Variants in CUBN observed in about 807,000 individuals in gnomAD.
The protein encoded by CUBN is 460 kDa receptor.
In CUBN, 282 loss-of-function variants were observed where a neutral mutation model predicts 405.3. The observed-to-expected ratio is 0.70, with a 90% CI of 0.63 to 0.77. The LOEUF is 0.77. CUBN is among the 30% of genes least tolerant of loss of function. The probability of loss-of-function intolerance (pLI) is 0.00; values close to 1 mark genes in which losing one functional copy is unlikely to be tolerated. For synonymous variants in CUBN, 1,684 were observed against 1,617.0 expected (o/e 1.04, Z -0.99); for missense variants, 4,514 against 4,475.2 (o/e 1.01, Z -0.25).
At chr10:16,889,470 T>C (rs1292234498) in intron 55 of CUBN, among the ~76,000 whole-genome samples, 1 of 152,214 alleles carries the variant, frequency 6.6e-6, no homozygotes, top group African/African-American at 2.4e-5. Flanking sequence ...TGAAAAATGC[T>C]ACATTTCCCA....
At chr10:17,014,565 T>G (rs902832293) in intron 28 of CUBN, among the ~76,000 whole-genome samples, 6 of 152,186 alleles carry the variant, frequency 3.9e-5, no homozygotes, top group African/African-American at 1.4e-4. Flanking sequence ...CTGAGGGCCC[T>G]GGTCCCTCTG....
At chr10:17,014,680 C>T (rs533065611) in intron 28 of CUBN, among the ~76,000 whole-genome samples, 11 of 152,280 alleles carry the variant, frequency 7.2e-5, no homozygotes, top group African/African-American at 2.6e-4. Flanking sequence ...GATCTAGAGT[C>T]GCCTGCTGGG....
At position 17,072,791 on chromosome 10, in the gene CUBN, C is replaced by T. The variant is rs149942510; in HGVS notation, c.2302-820G>A. ...ATTGAAAATGACAAAGACACAGATA[C>T]TAAGATTTTTTTAAATGTGAAATCT... On this transcript the variant is annotated intron_variant, in intron 17 of 66. Coordinates refer to ENST00000377833, the MANE Select transcript of CUBN (RefSeq NM_001081.4). Among the ~76,000 whole-genome samples the T allele has an allele frequency of 5.8e-4, 88 of 151,892 alleles. No individual in the cohort carries two copies. In the East Asian group the frequency reaches 0.016, roughly 28 times the overall value.
In CUBN at chr10:16,939,186, G is replaced by T. The variant is rs373170341; in HGVS notation, c.5549-39C>A. 16 of 1,499,716 alleles carry T rather than the reference G, an allele frequency of 1.1e-5. No individual in the cohort carries two copies. In the Middle Eastern group the frequency reaches 6.8e-4, roughly 64 times the overall value. The allele number at this position is 1,499,716 out of a possible 1,614,324, so 92.9% of individuals were successfully genotyped here. A position where few individuals can be genotyped will look rare whatever the true frequency, so the allele number is the denominator to read the frequency against. ...CAGAGTAGTAAATCAGACCCACTTA[G>T]AATTGCTCTTTAATCAAATGAAAAA... On this transcript the variant is annotated intron_variant, in intron 37 of 66. Coordinates refer to ENST00000377833, the MANE Select transcript of CUBN (RefSeq NM_001081.4).
At chr10:16,965,576 T>TA (rs60166274) in intron 31 of CUBN, 2,186 of 138,342 alleles carry the variant, frequency 0.016, 47 homozygotes, top group African/African-American at 0.037. Context: ...TTTTTATTTC[T>TA]AAAAAAAAAA....
chr10:16,834,728 A>C (rs1267615234), intron 64 of CUBN, among the ~76,000 whole-genome samples: 1 of 152,130 alleles, frequency 6.6e-6, no homozygotes, highest in African/African-American at 2.4e-5. Context: ...TAGGAACCCC[A>C]ACCCATGCTG....
intron 28 of CUBN, among the ~76,000 whole-genome samples, chr10:17,002,364 G>A (rs368206876): frequency 2.0e-5 from 3 of 152,150 alleles, no homozygotes; most frequent in Non-Finnish European, 2.9e-5. Context: ...CAGAAGTTTC[G>A]AGAAAGCCCT....
intron 47 of CUBN, among the ~76,000 whole-genome samples, chr10:16,914,658 C>CAA (rs5783521): frequency 3.1e-5 from 4 of 131,108 alleles, no homozygotes; most frequent in African/African-American, 1.2e-4. Flanking sequence ...CCCATGTTCA[C>CAA]AAAAAAAAAA....
intron 10 of CUBN, among the ~76,000 whole-genome samples, chr10:17,106,597 CAAAA>C (rs113317804): frequency 2.7e-5 from 3 of 111,140 alleles, no homozygotes; most frequent in Non-Finnish European, 1.8e-5. Context: ...AACGCCATCT[CAAAA>C]AAAAAAAAAA....
intron 64 of CUBN, among the ~76,000 whole-genome samples, chr10:16,831,978 T>C (rs1839014928): frequency 6.6e-6 from 1 of 152,234 alleles, no homozygotes; most frequent in South Asian, 2.1e-4. Flanking sequence ...GACAGAATTA[T>C]AAATCTATAC....
chr10:16,829,172 T>C (rs550942957), intron 65 of CUBN, 132 bp from the exon 66 acceptor site: 84 of 728,908 alleles, frequency 1.2e-4, no homozygotes, highest in Non-Finnish European at 2.0e-4. Flanking sequence ...GAAATCCCTT[T>C]TCCTTTTCCT....
At chr10:16,841,910 C>CA (rs11354893) in intron 60 of CUBN, among the ~76,000 whole-genome samples, 4,368 of 93,708 alleles carry the variant, frequency 0.047, 246 homozygotes, top group Non-Finnish European at 0.064. Flanking sequence ...AAGACTGTCT[C>CA]AAAAAAAAAA....
At chr10:16,911,860 T>C (rs1841745533) in intron 48 of CUBN, among the ~76,000 whole-genome samples, 1 of 152,204 alleles carries the variant, frequency 6.6e-6, no homozygotes, top group African/African-American at 2.4e-5. Context: ...ATTATATTTA[T>C]AACCAGAAAA....
intron 60 of CUBN, 56 bp downstream of exon 60, chr10:16,851,179 C>A: frequency 7.3e-7 from 1 of 1,376,094 alleles, no homozygotes; most frequent in Non-Finnish European, 1.0e-6. Context: ...AACTGGAATA[C>A]ACTATATTAG....
At chr10:17,105,733 G>C (rs1397283946) in intron 10 of CUBN, among the ~76,000 whole-genome samples, 158 bp from the exon 11 acceptor site, 1 of 152,134 alleles carries the variant, frequency 6.6e-6, no homozygotes, top group Non-Finnish European at 1.5e-5. Context: ...GAAAATATTA[G>C]AATCTTTATT....
intron 28 of CUBN, among the ~76,000 whole-genome samples, chr10:16,992,627 C>T (rs1332059591): frequency 6.6e-6 from 1 of 152,182 alleles, no homozygotes; most frequent in African/African-American, 2.4e-5. Flanking sequence ...CTGAGAAGCA[C>T]TGAGAATTCT....
chr10:16,933,196 G>A lies in CUBN; in HGVS notation c.6015C>T (p.Asp2005=). The change falls in exon 40 of 67, where the codon GAC becomes GAT. Residue 2005 remains aspartate, a synonymous_variant. Coordinates refer to ENST00000377833, the MANE Select transcript of CUBN (RefSeq NM_001081.4). ...CGGGAGCCTGGATGAGCCACGTACAGTCCACTCTATTACTGTAACTGTCAG... is the reference window on the plus strand; with the variant it reads ...CGGGAGCCTGGATGAGCCACGTACAATCCACTCTATTACTGTAACTGTCAG... ...GWPDSYSNRV[D]CTWLIQAPDS... is the part of the protein sequence containing the mutation. 1 of 1,614,086 alleles carries A rather than the reference G, an allele frequency of 6.2e-7. No individual in the cohort carries two copies. Among genetic ancestry groups the A allele is most frequent in the African/African-American group, 1.3e-5 (1 of 75,030 alleles).
intron 28 of CUBN, among the ~76,000 whole-genome samples, chr10:17,018,126 C>G (rs1158266578): frequency 6.6e-6 from 1 of 152,106 alleles, no homozygotes; most frequent in Non-Finnish European, 1.5e-5. Flanking sequence ...AGCCGTTTCC[C>G]AGAAAGCCTG....
Position 16,874,425 on chromosome 10 carries a change from A to G in CUBN, c.9185T>C (p.Met3062Thr), listed in dbSNP as rs1840444316. 2 of 1,614,208 alleles carry G rather than the reference A, an allele frequency of 1.2e-6. No individual in the cohort carries two copies. The highest frequency in any genetic ancestry group is 1.3e-5 in the African/African-American group (1 of 75,062). Residue 3062 changes from methionine to threonine, a missense_variant, in exon 58 of 67, where the codon ATG becomes ACG. By Grantham distance (81) the Met-to-Thr change is moderately conservative. This residue lies in a region of CUBN where 1,186 missense variants were observed against 1,186.9 expected (regional missense o/e 1.00). Coordinates refer to ENST00000377833, the MANE Select transcript of CUBN (RefSeq NM_001081.4). ...AYSYADYPND[M>T]HCLYTITVSD... ...AACGGTGATGGTATACAGACAGTGC[A>G]TATCATTTGGGTAGTCTGCGTATGA...
Sources: allele counts gnomAD v4.1 joint callset (sites outside exome capture counted in the v4.1 genomes callset), GRCh38; gene constraint gnomAD v4.1.1; regional missense constraint gnomAD v4.1.1; transcripts MANE v1.5; gene names NCBI Gene and HGNC (gene_info 2026-07-23, HGNC 2026-07-21).